The following DIP2C variants were observed in gnomAD, a reference collection of about 807,000 sequenced individuals.
The protein encoded by DIP2C is disco-interacting protein 2 homolog C.
Under a neutral mutation model 192.4 loss-of-function variants are expected in DIP2C, and 33 were observed. The ratio of observed to expected loss-of-function variants is 0.17; its 90% CI spans 0.13 to 0.23. The LOEUF (loss-of-function observed/expected upper bound fraction) is 0.23, where lower values mean the gene tolerates loss of function less well. Among genes scored for constraint, DIP2C ranks in the 10% least tolerant of loss-of-function variants. The pLI is 1.00. For missense variants in DIP2C, 1,537 were observed against 2,110.1 expected (o/e 0.73, Z 5.32); for synonymous variants, 979 against 864.1 (o/e 1.13, Z -2.33).
At chr10:552,026 A>G (rs1848618334) in intron 1 of DIP2C, among the ~76,000 whole-genome samples, 1 of 152,224 alleles carries the variant, frequency 6.6e-6, no homozygotes, top group South Asian at 2.1e-4. Context: ...CTCTTCTGAG[A>G]GTGGTGGCTA....
At chr10:399,086 C>A in intron 10 of DIP2C, 23 bp downstream of exon 10, 2 of 1,592,352 alleles carry the variant, frequency 1.3e-6, no homozygotes, top group Admixed American at 1.7e-5. Context: ...AGCGAGAAAC[C>A]GAGCAAAGGG....
chr10:384,473 G>T, intron 15 of DIP2C, 73 bp downstream of exon 15: 1 of 1,473,954 alleles, frequency 6.8e-7, no homozygotes, highest in Non-Finnish European at 9.4e-7. Context: ...CCTGACCTCA[G>T]GTGATCCACC....
chr10:308,273 C>T (rs2132310269), intron 32 of DIP2C, among the ~76,000 whole-genome samples: 1 of 149,720 alleles, frequency 6.7e-6, no homozygotes, highest in African/African-American at 2.6e-5. Flanking sequence ...CAGCGACGGT[C>T]AGCGGCGTGG....
intron 1 of DIP2C, among the ~76,000 whole-genome samples, chr10:597,227 T>G (rs1413932437): frequency 2.0e-5 from 3 of 152,126 alleles, no homozygotes; most frequent in African/African-American, 7.2e-5. Flanking sequence ...CAGACCTGGG[T>G]GGGATCTGCA....
chr10:484,096 A>AC (rs1843822263), intron 2 of DIP2C, among the ~76,000 whole-genome samples: 1 of 152,206 alleles, frequency 6.6e-6, no homozygotes, highest in South Asian at 2.1e-4. Context: ...GGCGTGAGCC[A>AC]CCACCCCCGG....
intron 10 of DIP2C, among the ~76,000 whole-genome samples, chr10:394,341 G>A (rs530598003): frequency 6.8e-6 from 1 of 146,036 alleles, no homozygotes; most frequent in South Asian, 2.2e-4. Flanking sequence ...GAACTGGAAG[G>A]ACATTATGGC....
intron 2 of DIP2C, among the ~76,000 whole-genome samples, chr10:483,918 G>C (rs1843808126): frequency 6.6e-6 from 1 of 152,060 alleles, no homozygotes. Flanking sequence ...TTGGATTCAA[G>C]CAATCCTCCT....
chr10:519,966 G>A (rs1041821412), intron 1 of DIP2C, among the ~76,000 whole-genome samples: 30 of 152,306 alleles, frequency 2.0e-4, no homozygotes, highest in Non-Finnish European at 3.1e-4. Flanking sequence ...TCTCCGTCTT[G>A]GAGCACACCA....
chr10:614,453 G>A (rs1159390311), intron 1 of DIP2C, among the ~76,000 whole-genome samples: 6 of 152,226 alleles, frequency 3.9e-5, no homozygotes, highest in Non-Finnish European at 8.8e-5. Flanking sequence ...AGGACCCGGG[G>A]CACAGGAACC....
At chr10:420,566 C>T (rs1205277021) in intron 5 of DIP2C, among the ~76,000 whole-genome samples, 1 of 152,146 alleles carries the variant, frequency 6.6e-6, no homozygotes, top group East Asian at 1.9e-4. Context: ...CTCTCAGCTC[C>T]GAGGTGTGAA....
chr10:551,298 C>G (rs1016871427), intron 1 of DIP2C, among the ~76,000 whole-genome samples: 3 of 152,192 alleles, frequency 2.0e-5, no homozygotes, highest in Non-Finnish European at 2.9e-5. Context: ...CGCCATGGAG[C>G]CTGGCATACA....
intron 1 of DIP2C, among the ~76,000 whole-genome samples, chr10:607,115 G>T (rs947243040): frequency 1.3e-5 from 2 of 152,212 alleles, no homozygotes; most frequent in Non-Finnish European, 2.9e-5. Flanking sequence ...CCTCGGTGGG[G>T]CTCTCCTGCC....
chr10:441,153 TA>T, intron 3 of DIP2C, 157 bp from the exon 4 acceptor site: 1 of 793,606 alleles, frequency 1.3e-6, no homozygotes, highest in African/African-American at 1.8e-5. Context: ...ACAATTCCAG[TA>T]AAGACATTAA....
chr10:617,707 G>A (rs957928912), intron 1 of DIP2C, among the ~76,000 whole-genome samples: 1 of 142,812 alleles, frequency 7.0e-6, no homozygotes, highest in East Asian at 2.1e-4. Flanking sequence ...GGTTCCGAAG[G>A]AGGCTGAGAA....
At chr10:591,080 C>A (rs1851375649) in intron 1 of DIP2C, among the ~76,000 whole-genome samples, 1 of 137,750 alleles carries the variant, frequency 7.3e-6, no homozygotes, top group Non-Finnish European at 1.5e-5. Flanking sequence ...AAGAAGCCGC[C>A]ACCTCCATCA....
At chr10:439,269 A>G (rs903033549) in intron 4 of DIP2C, among the ~76,000 whole-genome samples, 6 of 140,180 alleles carry the variant, frequency 4.3e-5, no homozygotes, top group East Asian at 2.0e-4. Context: ...CTTGCCCGCT[A>G]GCATTTGCTA....
chr10:679,469 C>T (rs1364808689), intron 1 of DIP2C, among the ~76,000 whole-genome samples: 7 of 112,576 alleles, frequency 6.2e-5, no homozygotes, highest in Non-Finnish European at 1.1e-4. Context: ...CCGTCCTCCC[C>T]ACACCCCTGC....
intron 4 of DIP2C, among the ~76,000 whole-genome samples, chr10:424,000 TTA>T (rs1966398098): frequency 6.6e-6 from 1 of 152,346 alleles, no homozygotes; most frequent in East Asian, 1.9e-4. Flanking sequence ...TCACTATAAT[TTA>T]TGAGAATATT....
At chr10:383,565 C>T (rs569807600) in intron 16 of DIP2C, among the ~76,000 whole-genome samples, 54 of 152,268 alleles carry the variant, frequency 3.5e-4, no homozygotes, top group African/African-American at 2.4e-4. Flanking sequence ...ACATTTAAAA[C>T]GACAAATTAA....
Sources: gnomAD v4.1 joint callset for allele counts (sites outside exome capture counted in the v4.1 genomes callset) on GRCh38, gnomAD v4.1.1 for gene constraint, MANE v1.5 for transcripts, NCBI Gene and HGNC (gene_info 2026-07-23, HGNC 2026-07-21) for gene names.